CLSTN2: variants seen among roughly 807,000 people sequenced by gnomAD.
The protein encoded by CLSTN2 is calsyntenin-2.
Under a neutral mutation model 101.2 loss-of-function variants are expected in CLSTN2, and 48 were observed. That is an observed-to-expected ratio of 0.47 (90% CI 0.38 to 0.60). The LOEUF (loss-of-function observed/expected upper bound fraction) is 0.60, where lower values mean the gene tolerates loss of function less well. Ranked by LOEUF, CLSTN2 falls within the 20% of genes least tolerant of loss-of-function variation. CLSTN2 has a pLI of 0.00. For synonymous variants in CLSTN2, 481 were observed against 463.6 expected, an observed-to-expected ratio of 1.04 and a Z score of -0.48; for missense variants, 1,160 against 1,238.2, an observed-to-expected ratio of 0.94 and a Z score of 0.95.
chr3:140,124,664 A>G (rs1016143707), intron 1 of CLSTN2, among the ~76,000 whole-genome samples: 4 of 152,194 alleles, frequency 2.6e-5, no homozygotes, highest in Non-Finnish European at 5.9e-5. Flanking sequence ...GGCAGCCATC[A>G]GAGGCCCTGT....
Position 140,532,452 on chromosome 3 carries a change from A to G in CLSTN2, c.1473A>G (p.Ile491Met), listed in dbSNP as rs529699408. The change falls in exon 9 of 17, where the codon ATA becomes ATG. Residue 491 changes from isoleucine to methionine, a missense_variant. Coordinates refer to ENST00000458420, the MANE Select transcript of CLSTN2 (RefSeq NM_022131.3). ...TNDWPIHPSH[I>M]AMQLTVGACW... ...ACTGGCCCATTCATCCATCTCACAT[A>G]GCCATGCAACTCACAGTCGGCGCTT... The G allele has an allele frequency of 1.9e-6, 3 of 1,613,850 alleles. No individual in the cohort carries two copies. The highest frequency in any genetic ancestry group is 2.5e-6 in the Non-Finnish European group (3 of 1,179,870).
At chr3:140,310,442 A>G (rs1428819884) in intron 2 of CLSTN2, among the ~76,000 whole-genome samples, 1 of 152,088 alleles carries the variant, frequency 6.6e-6, no homozygotes, top group African/African-American at 2.4e-5. Context: ...TTCTTCTGGA[A>G]AGGCACCACC....
Position 140,532,466 on chromosome 3 carries a change from C to T in CLSTN2, c.1487C>T (p.Thr496Ile). ...IHPSHIAMQL[T>I]VGACWQGGEV... is the part of the protein sequence containing the mutation. ...CCATCTCACATAGCCATGCAACTCA[C>T]AGTCGGCGCTTGTTGGCAAGGTAAT... Residue 496 changes from threonine (T) to isoleucine (I), a missense_variant, in exon 9 of 17, where the codon ACA becomes ATA. Physicochemically the swap from Thr to Ile is moderately conservative, Grantham distance 89. Coordinates refer to ENST00000458420, the MANE Select transcript of CLSTN2 (RefSeq NM_022131.3). 1 of 1,613,386 alleles carries T rather than the reference C, an allele frequency of 6.2e-7. No homozygotes were observed. The highest frequency in any genetic ancestry group is 8.5e-7 in the Non-Finnish European group (1 of 1,179,612).
At chr3:139,971,425 G>A (rs1298297214) in intron 1 of CLSTN2, among the ~76,000 whole-genome samples, 1 of 152,152 alleles carries the variant, frequency 6.6e-6, no homozygotes, top group African/African-American at 2.4e-5. Context: ...CCAGGCCCTG[G>A]GCTTGAGGCT....
At chr3:140,224,303 G>T (rs973513712) in intron 2 of CLSTN2, among the ~76,000 whole-genome samples, 2 of 152,126 alleles carry the variant, frequency 1.3e-5, no homozygotes, top group African/African-American at 2.4e-5. Flanking sequence ...CAGTTCTTGG[G>T]ATCATTTTGA....
At chr3:140,335,752 T>C (rs2087433413) in intron 2 of CLSTN2, among the ~76,000 whole-genome samples, 1 of 152,230 alleles carries the variant, frequency 6.6e-6, no homozygotes, top group Admixed American at 6.5e-5. Context: ...ATGCTAAAAT[T>C]AATTCAATCA....
At chr3:140,357,765 G>A (rs2087688626) in intron 2 of CLSTN2, among the ~76,000 whole-genome samples, 1 of 152,168 alleles carries the variant, frequency 6.6e-6, no homozygotes, top group African/African-American at 2.4e-5. Context: ...GAGTGCAGAG[G>A]AGTATGGTTT....
chr3:140,067,760 A>G (rs959447000), intron 1 of CLSTN2, among the ~76,000 whole-genome samples: 1 of 152,150 alleles, frequency 6.6e-6, no homozygotes. Flanking sequence ...GGCTGCTTCT[A>G]TCGTTTTGAT....
intron 2 of CLSTN2, among the ~76,000 whole-genome samples, chr3:140,388,588 G>T (rs1036339077): frequency 6.6e-6 from 1 of 152,206 alleles, no homozygotes; most frequent in Non-Finnish European, 1.5e-5. Flanking sequence ...GACTCTAAAG[G>T]CAGGGAGACC....
At chr3:140,216,717 T>C (rs2010925462) in intron 2 of CLSTN2, among the ~76,000 whole-genome samples, 1 of 152,202 alleles carries the variant, frequency 6.6e-6, no homozygotes, top group Admixed American at 6.5e-5. Flanking sequence ...GTGAAGATTA[T>C]ATGAGATGTA....
intron 2 of CLSTN2, among the ~76,000 whole-genome samples, chr3:140,304,472 G>A (rs769820928): frequency 9.2e-5 from 14 of 152,118 alleles, no homozygotes; most frequent in South Asian, 2.1e-4. Context: ...TGTTCATAAC[G>A]GCAGAGAGCA....
At chr3:140,220,373 T>A (rs899950535) in intron 2 of CLSTN2, among the ~76,000 whole-genome samples, 1 of 152,208 alleles carries the variant, frequency 6.6e-6, no homozygotes, top group Admixed American at 6.5e-5. Context: ...CCAAGGATAA[T>A]AGAATTGTGG....
intron 1 of CLSTN2, among the ~76,000 whole-genome samples, chr3:140,116,303 T>C (rs899431726): frequency 6.6e-6 from 1 of 152,204 alleles, no homozygotes; most frequent in African/African-American, 2.4e-5. Context: ...TATCACTTAC[T>C]ATAAATCTGT....
intron 4 of CLSTN2, among the ~76,000 whole-genome samples, chr3:140,415,225 T>A (rs1421746734): frequency 6.6e-6 from 1 of 151,844 alleles, no homozygotes; most frequent in Non-Finnish European, 1.5e-5. Context: ...GACCTGAAAC[T>A]ATAAAAACCC....
At chr3:140,132,960 T>C (rs944278047) in intron 1 of CLSTN2, among the ~76,000 whole-genome samples, 2 of 152,212 alleles carry the variant, frequency 1.3e-5, no homozygotes, top group Admixed American at 1.3e-4. Context: ...GCTCATAGAA[T>C]GTTTGCTAAA....
intron 1 of CLSTN2, among the ~76,000 whole-genome samples, chr3:140,113,296 G>A (rs2009185100): frequency 6.6e-6 from 1 of 152,174 alleles, no homozygotes; most frequent in Admixed American, 6.5e-5. Flanking sequence ...GCTCCCCAAA[G>A]GTCTGCAGAG....
Position 140,574,656 on chromosome 3 carries a change from T to C in CLSTN2, c.*8403T>C, listed in dbSNP as rs763742291. On this transcript the variant is annotated 3_prime_UTR_variant, in exon 17 of 17. Transcript: ENST00000458420. Reference sequence around the variant, plus strand: ...GTGTTAGCTTTAATGTCTGTTTGCTTTTATCTTGAAATGAAAATGCATCTC... The same window carrying C: ...GTGTTAGCTTTAATGTCTGTTTGCTCTTATCTTGAAATGAAAATGCATCTC... 1 of 152,166 alleles carries C rather than the reference T, an allele frequency of 6.6e-6. No homozygotes were observed. The highest frequency in any genetic ancestry group is 1.5e-5 in the Non-Finnish European group (1 of 68,030). The allele number at this position is 152,166 out of a possible 1,614,324, so 9.4% of individuals were successfully genotyped here.
intron 5 of CLSTN2, among the ~76,000 whole-genome samples, chr3:140,435,443 C>G (rs1038582095): frequency 6.6e-6 from 1 of 152,070 alleles, no homozygotes; most frequent in African/African-American, 2.4e-5. Context: ...GTATATATAC[C>G]ACATTTGCTG....
intron 2 of CLSTN2, among the ~76,000 whole-genome samples, chr3:140,350,130 T>G (rs572372854): frequency 2.3e-3 from 344 of 152,376 alleles, no homozygotes; most frequent in Admixed American, 4.2e-3. Context: ...ATTCTGCCTC[T>G]TGCCTTGTGG....
Sources: allele counts gnomAD v4.1 joint callset (sites outside exome capture counted in the v4.1 genomes callset), GRCh38; gene constraint gnomAD v4.1.1; transcripts MANE v1.5; gene names NCBI Gene and HGNC (gene_info 2026-07-23, HGNC 2026-07-21).